The following SYN2 variants were observed in gnomAD, a reference collection of about 807,000 sequenced individuals.
The protein encoded by SYN2 is synapsin-2.
SYN2 carries 19 observed loss-of-function variants against 50.9 expected under a neutral mutation model. The observed-to-expected ratio is 0.37, with a 90% CI of 0.26 to 0.55. The LOEUF (loss-of-function observed/expected upper bound fraction) is 0.55. Ranked by LOEUF, SYN2 falls within the 20% of genes least tolerant of loss-of-function variation. The pLI, the probability that SYN2 is intolerant of heterozygous loss-of-function variation, is 0.81. For missense variants in SYN2, 587 were observed against 576.4 expected, an observed-to-expected ratio of 1.02 and a Z score of -0.19; for synonymous variants, 255 against 224.9, an observed-to-expected ratio of 1.13 and a Z score of -1.20.
intron 1 of SYN2, among the ~76,000 whole-genome samples, chr3:12,044,099 T>C (rs377223376): frequency 8.5e-5 from 13 of 152,134 alleles, no homozygotes; most frequent in African/African-American, 3.1e-4. Context: ...TGAATTTCTG[T>C]TTTCCTCTTC....
At chr3:12,071,014 G>T (rs1442759994) in intron 1 of SYN2, 2 of 553,350 alleles carry the variant, frequency 3.6e-6, no homozygotes, top group Non-Finnish European at 7.3e-6. Flanking sequence ...GTGTCTGGAG[G>T]CGCTGTTATA....
chr3:12,182,655 G>A (rs56918157), intron 10 of SYN2, among the ~76,000 whole-genome samples: 9,655 of 152,256 alleles, frequency 0.063, 1,003 homozygotes, highest in African/African-American at 0.22. Flanking sequence ...AACAAATGAC[G>A]ACCCCTTTCT....
chr3:12,153,646 G>A (rs1185124546), intron 5 of SYN2: 1 of 1,614,190 alleles, frequency 6.2e-7, no homozygotes, highest in Non-Finnish European at 8.5e-7. Flanking sequence ...CGTTCCAACA[G>A]CCAGTCTGTC....
intron 1 of SYN2, chr3:12,070,245 G>A: frequency 2.3e-6 from 1 of 443,586 alleles, no homozygotes. Context: ...AGATTGCCAT[G>A]CTGGTCATTG....
chr3:12,064,233 CA>C (rs1380857365), intron 1 of SYN2, among the ~76,000 whole-genome samples: 1 of 151,888 alleles, frequency 6.6e-6, no homozygotes, highest in African/African-American at 2.4e-5. Flanking sequence ...TCAAAATTAT[CA>C]AAAACATGGA....
chr3:12,137,710 T>G (rs1696925164), intron 1 of SYN2, among the ~76,000 whole-genome samples: 1 of 152,162 alleles, frequency 6.6e-6, no homozygotes, highest in African/African-American at 2.4e-5. Flanking sequence ...AAACAAAAGT[T>G]TAAAAAAATT....
rs1698230980 is a variant in SYN2 at position 12,181,931 on chromosome 3, C to G, written c.1309-1381C>G. Reference sequence around the variant, plus strand: ...TGCCTTATGGATCCCAAGAAGGTCCCCAGAGGAAGGGAAAGGAAGTAGTGT... The same window carrying G: ...TGCCTTATGGATCCCAAGAAGGTCCGCAGAGGAAGGGAAAGGAAGTAGTGT... On this transcript the variant is annotated intron_variant, in intron 10 of 12. Coordinates refer to ENST00000621198, the MANE Select transcript of SYN2 (RefSeq NM_133625.6). Among the ~76,000 whole-genome samples the G allele has an allele frequency of 2.0e-5, 3 of 151,998 alleles. No individual in the cohort carries two copies. In the South Asian group the frequency reaches 6.2e-4, roughly 32 times the overall value.
intron 1 of SYN2, among the ~76,000 whole-genome samples, chr3:12,101,525 A>G (rs891939326): frequency 2.0e-5 from 3 of 152,184 alleles, no homozygotes; most frequent in Non-Finnish European, 4.4e-5. Flanking sequence ...CTTGGTTTCT[A>G]TTTGGGATGA....
chr3:12,181,811 GGAGGGAAAA>G (rs1451500836), intron 10 of SYN2, among the ~76,000 whole-genome samples: 1 of 143,578 alleles, frequency 7.0e-6, no homozygotes, highest in Non-Finnish European at 1.6e-5. Context: ...TCAGATACCA[GGAGGGAAAA>G]GTGGAGGAGT....
intron 1 of SYN2, among the ~76,000 whole-genome samples, chr3:12,009,115 T>G (rs767037592): frequency 1.3e-5 from 2 of 152,246 alleles, no homozygotes; most frequent in Non-Finnish European, 1.5e-5. Flanking sequence ...AAGCGTCTTA[T>G]TTCTAACATA....
At chr3:12,145,871 G>GCTAC (rs1697139408) in intron 4 of SYN2, 36 bp downstream of exon 4, 3 of 1,611,004 alleles carry the variant, frequency 1.9e-6, no homozygotes, top group Non-Finnish European at 2.5e-6. Flanking sequence ...TAAAAGGGTA[G>GCTAC]GATTCAGGCC....
intron 1 of SYN2, among the ~76,000 whole-genome samples, chr3:12,038,186 C>T (rs1694541033): frequency 6.6e-6 from 1 of 152,152 alleles, no homozygotes; most frequent in Admixed American, 6.5e-5. Context: ...ATTGTCTTGA[C>T]ACCCTTGTCA....
chr3:12,024,796 G>A (rs924216107), intron 1 of SYN2, among the ~76,000 whole-genome samples: 3 of 152,166 alleles, frequency 2.0e-5, no homozygotes, highest in Non-Finnish European at 4.4e-5. Context: ...TGCTGGGTGT[G>A]TACCCAGGAG....
chr3:12,009,016 G>A (rs1030687303), intron 1 of SYN2, among the ~76,000 whole-genome samples: 2 of 144,898 alleles, frequency 1.4e-5, no homozygotes, highest in East Asian at 3.9e-4. Context: ...GCTTGAACCA[G>A]TGCTTGTGAG....
At chr3:12,046,969 A>G (rs1323683227) in intron 1 of SYN2, among the ~76,000 whole-genome samples, 1 of 152,132 alleles carries the variant, frequency 6.6e-6, no homozygotes, top group African/African-American at 2.4e-5. Flanking sequence ...AAAGAGAATG[A>G]TTATGGGAAG....
At chr3:12,047,883 T>A (rs1205840844) in intron 1 of SYN2, among the ~76,000 whole-genome samples, 1 of 152,216 alleles carries the variant, frequency 6.6e-6, no homozygotes, top group Non-Finnish European at 1.5e-5. Flanking sequence ...TTAACCTGTT[T>A]TTTGCTGTAA....
chr3:12,024,415 C>A (rs893426888), intron 1 of SYN2, among the ~76,000 whole-genome samples: 10 of 152,090 alleles, frequency 6.6e-5, no homozygotes, highest in African/African-American at 2.2e-4. Flanking sequence ...ATCTCGGCCT[C>A]CCAAAGTGCA....
chr3:12,023,361 T>C (rs191643833), intron 1 of SYN2, among the ~76,000 whole-genome samples: 1,818 of 151,326 alleles, frequency 0.012, 24 homozygotes, highest in Non-Finnish European at 0.018. Context: ...AGTAGTATTT[T>C]CCCCCCCCAC....
At position 12,097,299 on chromosome 3, in the gene SYN2, T is replaced by G. The variant is rs548664460; in HGVS notation, c.378-43352T>G. 3.9e-5 allele frequency among the ~76,000 whole-genome samples: 6 copies of G among 152,312 alleles called. No individual in the cohort carries two copies. The East Asian group carries it at 7.7e-4, about 20-fold the overall frequency. On this transcript the variant is annotated intron_variant, in intron 1 of 12. Transcript: ENST00000621198. The stretch of plus-strand genomic sequence containing the variant: ...GCCCAAATGTCCATCAATGATAGAC[T>G]GGATTAAGAAAATGTGGCACATAAT...
Sources: allele counts gnomAD v4.1 joint callset (sites outside exome capture counted in the v4.1 genomes callset), GRCh38; gene constraint gnomAD v4.1.1; transcripts MANE v1.5; gene names NCBI Gene and HGNC (gene_info 2026-07-23, HGNC 2026-07-21).